The following LBP variants were observed in gnomAD, a reference collection of about 807,000 sequenced individuals.
LBP encodes the protein lipopolysaccharide-binding protein.
LBP carries 53 observed loss-of-function variants against 56.6 expected under a neutral mutation model. The observed-to-expected ratio is 0.94, with a 90% CI of 0.75 to 1.18. LBP has a LOEUF of 1.18. Ranked by LOEUF, LBP falls within the 50% of genes most tolerant of loss-of-function variation. The pLI is 0.00. For missense variants in LBP, 601 were observed against 598.3 expected (o/e 1.00, Z -0.05); for synonymous variants, 227 against 247.5 (o/e 0.92, Z 0.78).
At position 38,366,825 on chromosome 20, in the gene LBP, A is replaced by C. The variant is rs988297526; in HGVS notation, c.978A>C (p.Pro326=). ...CCAAGTCCTTCCGACCCTTCGTCCC[A>C]CGGGTAAGGAGTCCCTTAGTTCCCC... ...LTTKSFRPFV[P]RLARLYPNMN... The change falls in exon 9 of 15, where the codon CCA becomes CCC. Residue 326 remains proline, a synonymous_variant. Coordinates refer to ENST00000217407, the MANE Select transcript of LBP (RefSeq NM_004139.5). The C allele has an allele frequency of 6.2e-7, 1 of 1,613,906 alleles. No individual in the cohort carries two copies. Among genetic ancestry groups the C allele is most frequent in the Non-Finnish European group, 8.5e-7 (1 of 1,179,908 alleles).
rs989779624 is a variant in LBP, at chr20:38,367,631, T to C, written c.981+803T>C. Among the ~76,000 whole-genome samples, 16 of 152,214 alleles carry C rather than the reference T, an allele frequency of 1.1e-4. 1 individual carries two copies. Among genetic ancestry groups the C allele is most frequent in the Admixed American group, 5.9e-4 (9 of 15,278 alleles). ...CAGATTTTACATATCTTTCTGATGA[T>C]ATTCTATGTATATACAGGTTCACTA... On this transcript the variant is annotated intron_variant, in intron 9 of 14. Coordinates refer to ENST00000217407, the MANE Select transcript of LBP (RefSeq NM_004139.5).
intron 2 of LBP, 114 bp from the exon 3 acceptor site, chr20:38,350,697 C>T: frequency 8.1e-7 from 1 of 1,237,198 alleles, no homozygotes; most frequent in African/African-American, 1.5e-5. Flanking sequence ...AGGTGCTTAC[C>T]TGGAGCAGAT....
At chr20:38,349,480 C>T (rs1015244667) in intron 1 of LBP, 68 bp from the exon 2 acceptor site, 7 of 1,209,740 alleles carry the variant, frequency 5.8e-6, no homozygotes, top group Non-Finnish European at 8.3e-6. Context: ...GTGGGAGCCA[C>T]CGTAGGGTTT....
In LBP at chr20:38,369,236, T is replaced by A. The variant is rs1333220385; in HGVS notation, c.1149+74T>A. 3 of 1,418,712 alleles carry A rather than the reference T, an allele frequency of 2.1e-6. No homozygotes were observed. The East Asian group carries it at 6.9e-5, about 33-fold the overall frequency. The allele number at this position is 1,418,712 out of a possible 1,614,324, so 87.9% of individuals were successfully genotyped here. ...TTTCCCTTTTCCCCACATGCTTTTC[T>A]CCCCACTCACCACCTGGGTAATTCC... On this transcript the variant is annotated intron_variant, in intron 10 of 14. Coordinates refer to ENST00000217407, the MANE Select transcript of LBP (RefSeq NM_004139.5).
At chr20:38,368,746 A>T (rs1274668844) in intron 9 of LBP, among the ~76,000 whole-genome samples, 1 of 152,202 alleles carries the variant, frequency 6.6e-6, no homozygotes, top group Admixed American at 6.5e-5. Context: ...TTGATGCCCA[A>T]TAGAGTTTAA....
intron 12 of LBP, 57 bp from the exon 13 acceptor site, chr20:38,373,015 C>A: frequency 6.7e-7 from 1 of 1,482,248 alleles, no homozygotes. Flanking sequence ...TTGGCACACA[C>A]AGAACCACCA....
intron 11 of LBP, among the ~76,000 whole-genome samples, 183 bp from the exon 12 acceptor site, chr20:38,371,097 A>G (rs1049944167): frequency 6.6e-6 from 1 of 152,126 alleles, no homozygotes; most frequent in African/African-American, 2.4e-5. Context: ...CTGCCCTGTG[A>G]CAGTCTTCCC....
chr20:38,373,337 G>T (rs965800590), intron 13 of LBP, among the ~76,000 whole-genome samples: 3 of 152,150 alleles, frequency 2.0e-5, no homozygotes, highest in African/African-American at 7.2e-5. Context: ...GAGGGTTGGG[G>T]GCTGGGACAG....
Position 38,376,918 on chromosome 20 carries a change from A to G in LBP, c.*249A>G. 1 of 653,504 alleles carries G rather than the reference A, an allele frequency of 1.5e-6. No homozygotes were observed. 40.5% of individuals were successfully genotyped at this position (653,504 alleles called of 1,614,324 possible). Reference sequence around the variant, plus strand: ...CCGACTGGCCTGGGATATCTTTACAAGCAGGCACTGTATTTTTTTATTCGC... The same window carrying G: ...CCGACTGGCCTGGGATATCTTTACAGGCAGGCACTGTATTTTTTTATTCGC... On this transcript the variant is annotated 3_prime_UTR_variant, in exon 15 of 15. Coordinates refer to ENST00000217407, the MANE Select transcript of LBP (RefSeq NM_004139.5).
chr20:38,346,660 G>A lies in LBP; in HGVS notation c.124+20G>A. 1.2e-6 allele frequency: 2 copies of A among 1,612,734 alleles called. No homozygotes were observed. The highest frequency in any genetic ancestry group is 1.7e-6 in the Non-Finnish European group (2 of 1,179,630). On this transcript the variant is annotated intron_variant, in intron 1 of 14. Coordinates refer to ENST00000217407, the MANE Select transcript of LBP (RefSeq NM_004139.5). ...AGTATGGTAAGAAGCCACATCTGCT[G>A]GCTGGACTTGGCAAACCCACGCTCC... is the stretch of plus-strand genomic sequence containing the variant.
At chr20:38,357,719 C>T (rs1029823054) in intron 5 of LBP, among the ~76,000 whole-genome samples, 2 of 152,126 alleles carry the variant, frequency 1.3e-5, no homozygotes, top group South Asian at 2.1e-4. Context: ...TGCTCAGTCG[C>T]GTATACTTGT....
intron 6 of LBP, among the ~76,000 whole-genome samples, chr20:38,361,174 A>G (rs1269602868): frequency 6.6e-6 from 1 of 151,996 alleles, no homozygotes; most frequent in African/African-American, 2.4e-5. Flanking sequence ...AACAGAAAAA[A>G]AAAAAAAAAG....
chr20:38,360,410 A>C (rs888847737), intron 5 of LBP, among the ~76,000 whole-genome samples: 1 of 152,214 alleles, frequency 6.6e-6, no homozygotes, highest in Non-Finnish European at 1.5e-5. Context: ...AGTTTCAGGC[A>C]CTGTCTCCAG....
intron 9 of LBP, among the ~76,000 whole-genome samples, chr20:38,368,249 G>A (rs761903070): frequency 2.0e-5 from 3 of 152,028 alleles, no homozygotes; most frequent in Non-Finnish European, 4.4e-5. Flanking sequence ...TAGGGAGGGA[G>A]AAAAAATGGG....
At chr20:38,373,910 C>G (rs772494045) in intron 13 of LBP, 27 bp from the exon 14 acceptor site, 3 of 1,599,772 alleles carry the variant, frequency 1.9e-6, no homozygotes, top group Non-Finnish European at 2.6e-6. Context: ...TCACCAATCT[C>G]TTTCAATGTT....
intron 12 of LBP, among the ~76,000 whole-genome samples, chr20:38,372,742 TA>T (rs1370314283): frequency 7.2e-5 from 11 of 152,272 alleles, no homozygotes. Flanking sequence ...TAGAGAAGCT[TA>T]TTTTGTTTTT....
intron 7 of LBP, 51 bp from the exon 8 acceptor site, chr20:38,364,525 G>A (rs2232605): frequency 6.3e-7 from 1 of 1,576,062 alleles, no homozygotes; most frequent in African/African-American, 1.3e-5. Context: ...CCTAGCCCCT[G>A]CCCCACGATA....
chr20:38,354,693 G>A (rs1187924399), intron 4 of LBP, among the ~76,000 whole-genome samples: 1 of 151,956 alleles, frequency 6.6e-6, no homozygotes, highest in Non-Finnish European at 1.5e-5. Flanking sequence ...CTGGCTATTT[G>A]GAGGAACACA....
chr20:38,372,648 A>C (rs1424148832), intron 12 of LBP, among the ~76,000 whole-genome samples: 2 of 152,170 alleles, frequency 1.3e-5, no homozygotes, highest in Non-Finnish European at 2.9e-5. Flanking sequence ...GTTGTTGTGA[A>C]GATTGAATCA....
Sources: allele counts gnomAD v4.1 joint callset (sites outside exome capture counted in the v4.1 genomes callset), GRCh38; gene constraint gnomAD v4.1.1; transcripts MANE v1.5; gene names NCBI Gene and HGNC (gene_info 2026-07-23, HGNC 2026-07-21).